Variants in PDE1A observed in about 807,000 individuals in gnomAD.
The protein encoded by PDE1A is dual specificity calcium/calmodulin-dependent 3',5'-cyclic nucleotide phosphodiesterase 1A.
In PDE1A, 35 loss-of-function variants were observed where a neutral mutation model predicts 61.7. That is an observed-to-expected ratio of 0.57 (90% confidence interval 0.43 to 0.75). The LOEUF (loss-of-function observed/expected upper bound fraction) is 0.75. PDE1A is among the 30% of genes least tolerant of loss of function. The pLI, the probability that PDE1A is intolerant of heterozygous loss-of-function variation, is 0.00. For synonymous variants in PDE1A, 232 were observed against 213.2 expected (o/e 1.09, Z -0.77); for missense variants, 597 against 630.6 (o/e 0.95, Z 0.57).
At chr2:182,611,107 G>T in the PDE1A span, among the ~76,000 whole-genome samples, 1 of 152,082 alleles carries the variant, frequency 6.6e-6, no homozygotes. Flanking sequence ...TGCCTTACAG[G>T]GCCCAGTTTC....
At chr2:182,553,233 G>A in the PDE1A span, among the ~76,000 whole-genome samples, 1 of 152,270 alleles carries the variant, frequency 6.6e-6, no homozygotes, top group Non-Finnish European at 1.5e-5. Context: ...CACCATCTTG[G>A]AAGCGGCCCA....
At chr2:182,528,742 T>G in the PDE1A span, among the ~76,000 whole-genome samples, 7 of 152,164 alleles carry the variant, frequency 4.6e-5, no homozygotes, top group Non-Finnish European at 1.0e-4. Flanking sequence ...AGCCTAGGGA[T>G]TTCGTGCCCT....
the PDE1A span, among the ~76,000 whole-genome samples, chr2:182,612,112 A>G: frequency 6.6e-6 from 1 of 152,256 alleles, no homozygotes; most frequent in Non-Finnish European, 1.5e-5. Flanking sequence ...TATACACAAT[A>G]TTTTAATATT....
At chr2:182,377,364 C>G (rs1337415231) in intron 1 of PDE1A, among the ~76,000 whole-genome samples, 4 of 152,184 alleles carry the variant, frequency 2.6e-5, no homozygotes, top group Admixed American at 2.0e-4. Context: ...TCCTGCTTTA[C>G]CTTCTGACAT....
intron 1 of PDE1A, among the ~76,000 whole-genome samples, chr2:182,395,502 T>G (rs1275304414): frequency 6.6e-6 from 1 of 152,182 alleles, no homozygotes; most frequent in Non-Finnish European, 1.5e-5. Context: ...CACGTTGAGA[T>G]ATTCCTTCTA....
chr2:182,682,780 T>G, the PDE1A span, among the ~76,000 whole-genome samples: 1 of 152,194 alleles, frequency 6.6e-6, no homozygotes, highest in Non-Finnish European at 1.5e-5. Flanking sequence ...GTGTGGGAAG[T>G]TAAATGAATG....
intron 1 of PDE1A, among the ~76,000 whole-genome samples, chr2:182,367,909 T>C (rs557060010): frequency 1.3e-5 from 2 of 152,126 alleles, no homozygotes; most frequent in Non-Finnish European, 1.5e-5. Context: ...GTATAGAACT[T>C]GATCATTTGG....
At chr2:182,715,737 G>C in the PDE1A span, among the ~76,000 whole-genome samples, 7 of 152,204 alleles carry the variant, frequency 4.6e-5, no homozygotes, top group African/African-American at 1.7e-4. Context: ...TGATACACAC[G>C]CTTACACAAA....
chr2:182,417,421 G>A (rs1702988215), intron 1 of PDE1A, among the ~76,000 whole-genome samples: 1 of 152,138 alleles, frequency 6.6e-6, no homozygotes, highest in Non-Finnish European at 1.5e-5. Flanking sequence ...GATATAGTAG[G>A]TCTGAAATAC....
the PDE1A span, among the ~76,000 whole-genome samples, chr2:182,675,900 G>C: frequency 7.2e-5 from 11 of 152,052 alleles, no homozygotes; most frequent in Non-Finnish European, 1.6e-4. Context: ...CATTCTGTAG[G>C]CTGTCCATTT....
At chr2:182,381,372 A>C (rs1319914590) in intron 1 of PDE1A, among the ~76,000 whole-genome samples, 2 of 152,160 alleles carry the variant, frequency 1.3e-5, no homozygotes, top group Non-Finnish European at 2.9e-5. Flanking sequence ...ATTAGGCCAA[A>C]ATGTGATTTA....
chr2:182,220,463 T>C (rs1688623986), intron 7 of PDE1A, among the ~76,000 whole-genome samples: 1 of 152,090 alleles, frequency 6.6e-6, no homozygotes, highest in Non-Finnish European at 1.5e-5. Context: ...TTGAACCAGA[T>C]TTAATTGTAG....
intron 1 of PDE1A, among the ~76,000 whole-genome samples, chr2:182,275,059 T>A (rs2125829788): frequency 6.6e-6 from 1 of 152,234 alleles, no homozygotes; most frequent in East Asian, 1.9e-4. Flanking sequence ...TTGCAATTGA[T>A]TACTTGGATG....
rs369591544 is a variant in PDE1A, at chr2:182,386,239, G to A, written c.53+40339C>T. 3.4e-3 allele frequency among the ~76,000 whole-genome samples: 523 copies of A among 152,238 alleles called. 4 individuals are homozygous for A. Among genetic ancestry groups the A allele is most frequent in the South Asian group, 0.017 (80 of 4,828 alleles). The stretch of plus-strand genomic sequence containing the variant: ...GCCTGCCTTGGCCTCCCAAAGTGCC[G>A]AGATTACAGCCTCTGCCCAGCCGCC... On this transcript the variant is annotated intron_variant, in intron 1 of 13. Transcript: ENST00000351439.
chr2:182,402,707 C>T (rs1306275535), intron 1 of PDE1A, among the ~76,000 whole-genome samples: 2 of 152,244 alleles, frequency 1.3e-5, no homozygotes, highest in East Asian at 1.9e-4. Context: ...AGCTTCTGCA[C>T]AGCAAAAGAA....
chr2:182,495,642 A>T (rs1688667881), intron 2 of PDE1A, among the ~76,000 whole-genome samples: 1 of 152,196 alleles, frequency 6.6e-6, no homozygotes, highest in Non-Finnish European at 1.5e-5. Flanking sequence ...AAGGCCCCTT[A>T]GCCTCCTGCC....
At chr2:182,517,154 A>G (rs1690255301) in intron 2 of PDE1A, among the ~76,000 whole-genome samples, 1 of 152,218 alleles carries the variant, frequency 6.6e-6, no homozygotes, top group African/African-American at 2.4e-5. Flanking sequence ...CAAGATAAAT[A>G]TAATGTTAGA....
chr2:182,273,068 G>T (rs1192290869), intron 1 of PDE1A, among the ~76,000 whole-genome samples: 2 of 151,948 alleles, frequency 1.3e-5, no homozygotes, highest in Admixed American at 1.3e-4. Flanking sequence ...AATCAAGAAA[G>T]AATACAGCAT....
Position 182,436,564 on chromosome 2 carries a change from C to T in PDE1A, c.101+85712G>A, listed in dbSNP as rs140422928. Reference sequence around the variant, plus strand: ...CAACATTATGAACCCTCATCTTGCTCTATGGTACTAGAAAATAATAATTTT... The same window carrying T: ...CAACATTATGAACCCTCATCTTGCTTTATGGTACTAGAAAATAATAATTTT... On this transcript the variant is annotated intron_variant, in intron 2 of 14. Transcript: ENST00000410103. Among the ~76,000 whole-genome samples the T allele has an allele frequency of 4.5e-3, 691 of 152,076 alleles. 5 individuals carry two copies. Among genetic ancestry groups the T allele is most frequent in the Middle Eastern group, 0.01 (3 of 294 alleles).
Sources: gnomAD v4.1 joint callset for allele counts (sites outside exome capture counted in the v4.1 genomes callset) on GRCh38, gnomAD v4.1.1 for gene constraint, MANE v1.5 for transcripts, NCBI Gene and HGNC (gene_info 2026-07-23, HGNC 2026-07-21) for gene names.